The following CDC42BPB variants were observed in gnomAD, a reference collection of about 807,000 sequenced individuals.
The protein encoded by CDC42BPB is serine/threonine-protein kinase MRCK beta.
CDC42BPB carries 37 observed loss-of-function variants against 214.9 expected under a neutral mutation model. The ratio of observed to expected loss-of-function variants is 0.17; its 90% CI spans 0.13 to 0.23. CDC42BPB has a LOEUF of 0.23. Ranked by LOEUF, CDC42BPB falls within the 10% of genes least tolerant of loss-of-function variation. CDC42BPB has a pLI of 1.00. For missense variants in CDC42BPB, 1,694 were observed against 2,227.0 expected, an observed-to-expected ratio of 0.76 and a Z score of 4.82; for synonymous variants, 931 against 884.0, an observed-to-expected ratio of 1.05 and a Z score of -0.94.
chr14:102,980,492 A>C (rs1036602400), intron 8 of CDC42BPB, among the ~76,000 whole-genome samples: 6 of 152,196 alleles, frequency 3.9e-5, no homozygotes, highest in Admixed American at 1.3e-4. Context: ...ACTGTCTCAA[A>C]AAAAAAAAGT....
At chr14:102,939,329 C>A (rs956645223) in intron 34 of CDC42BPB, among the ~76,000 whole-genome samples, 1 of 152,234 alleles carries the variant, frequency 6.6e-6, no homozygotes, top group Non-Finnish European at 1.5e-5. Context: ...GGCAAACGTC[C>A]TTAGGAAGCC....
At chr14:103,056,219 T>C (rs1013446630) in intron 1 of CDC42BPB, among the ~76,000 whole-genome samples, 8 of 152,098 alleles carry the variant, frequency 5.3e-5, no homozygotes, top group Non-Finnish European at 8.8e-5. Context: ...TTCTAAGTGA[T>C]AGCTCCAGCT....
Position 102,970,054 on chromosome 14 carries a change from C to T in CDC42BPB, c.1995+97G>A, listed in dbSNP as rs572455275. ...TGAACAGCCTCGGGTGACACTCGGCCCGGACCACACATTACACAAGGTGAC... is the reference window on the plus strand; with the variant it reads ...TGAACAGCCTCGGGTGACACTCGGCTCGGACCACACATTACACAAGGTGAC... On this transcript the variant is annotated intron_variant, in intron 14 of 36. Transcript: ENST00000361246. 708 of 988,840 alleles carry T rather than the reference C, an allele frequency of 7.2e-4. 9 individuals are homozygous for T. The South Asian group carries it at 0.01, about 14-fold the overall frequency. 61.3% of individuals were successfully genotyped at this position (988,840 alleles called of 1,614,324 possible).
chr14:103,054,953 G>C (rs1025837692), intron 1 of CDC42BPB, among the ~76,000 whole-genome samples: 5 of 152,260 alleles, frequency 3.3e-5, no homozygotes, highest in African/African-American at 9.6e-5. Context: ...TGGCCCCCAG[G>C]GCCCCCGCCC....
chr14:103,029,839 C>T (rs1177683691), intron 1 of CDC42BPB, among the ~76,000 whole-genome samples: 1 of 112,774 alleles, frequency 8.9e-6, no homozygotes, highest in Non-Finnish European at 1.6e-5. Flanking sequence ...AGCCTAGTGA[C>T]AGAGGGAGAC....
At chr14:103,055,584 G>A (rs1888903275) in intron 1 of CDC42BPB, among the ~76,000 whole-genome samples, 1 of 152,226 alleles carries the variant, frequency 6.6e-6, no homozygotes, top group Non-Finnish European at 1.5e-5. Context: ...GATACTATAA[G>A]TAACCAAGAA....
chr14:103,032,124 C>G (rs1371022095), intron 1 of CDC42BPB, among the ~76,000 whole-genome samples: 1 of 151,990 alleles, frequency 6.6e-6, no homozygotes, highest in Non-Finnish European at 1.5e-5. Context: ...GATATGAAGG[C>G]CTGGAGAAGC....
chr14:102,997,411 G>A (rs148236538), intron 5 of CDC42BPB, among the ~76,000 whole-genome samples: 1 of 151,936 alleles, frequency 6.6e-6, no homozygotes. Context: ...GCGCTACCAA[G>A]CCAAACTAAA....
intron 20 of CDC42BPB, among the ~76,000 whole-genome samples, chr14:102,961,956 G>C (rs1398055321): frequency 3.3e-5 from 5 of 152,112 alleles, no homozygotes; most frequent in African/African-American, 7.2e-5. Context: ...AAATGCAAAA[G>C]GCTTTTAGAA....
At chr14:103,040,460 A>C (rs1488933609) in intron 1 of CDC42BPB, among the ~76,000 whole-genome samples, 1 of 151,944 alleles carries the variant, frequency 6.6e-6, no homozygotes, top group Non-Finnish European at 1.5e-5. Context: ...ATTAAATTTA[A>C]ATTTATTTAT....
intron 21 of CDC42BPB, 104 bp from the exon 22 acceptor site, chr14:102,954,792 C>T (rs1892643432): frequency 6.7e-7 from 1 of 1,486,750 alleles, no homozygotes; most frequent in African/African-American, 1.4e-5. Flanking sequence ...CTGTCTAGCC[C>T]AGAAGTCCCA....
intron 7 of CDC42BPB, 197 bp from the exon 8 acceptor site, chr14:102,981,218 T>C: frequency 1.0e-6 from 1 of 982,842 alleles, no homozygotes; most frequent in Non-Finnish European, 1.2e-6. Context: ...CTGGTTTTAC[T>C]CATTGTAGAC....
intron 23 of CDC42BPB, chr14:102,952,806 G>C: frequency 1.2e-6 from 1 of 865,634 alleles, no homozygotes; most frequent in Non-Finnish European, 1.4e-6. Context: ...GCCAGAGAGA[G>C]GCCAACAAAT....
intron 36 of CDC42BPB, 72 bp downstream of exon 36, chr14:102,938,032 C>A (rs1891717257): frequency 6.6e-7 from 1 of 1,517,006 alleles, no homozygotes; most frequent in African/African-American, 1.4e-5. Flanking sequence ...CCCAGGGCCC[C>A]AGATCTTCGG....
chr14:103,042,960 A>G (rs908676603), intron 1 of CDC42BPB, among the ~76,000 whole-genome samples: 1 of 152,174 alleles, frequency 6.6e-6, no homozygotes, highest in African/African-American at 2.4e-5. Context: ...ATCCCACAAA[A>G]ACTTGTACAT....
chr14:103,014,974 A>G (rs1886375518), intron 1 of CDC42BPB, among the ~76,000 whole-genome samples: 1 of 152,196 alleles, frequency 6.6e-6, no homozygotes, highest in Non-Finnish European at 1.5e-5. Context: ...ATTACTCTCA[A>G]GTCACCCGGG....
chr14:103,026,417 C>A (rs1438018741), intron 1 of CDC42BPB, among the ~76,000 whole-genome samples: 1 of 152,004 alleles, frequency 6.6e-6, no homozygotes, highest in Non-Finnish European at 1.5e-5. Flanking sequence ...AAACAAAAAA[C>A]CACATGTAAA....
chr14:103,036,802 A>G (rs1424274965), intron 1 of CDC42BPB, among the ~76,000 whole-genome samples: 2 of 152,152 alleles, frequency 1.3e-5, no homozygotes, highest in Non-Finnish European at 2.9e-5. Flanking sequence ...ATTTCTCATT[A>G]AAAGTCGTGA....
intron 1 of CDC42BPB, among the ~76,000 whole-genome samples, chr14:103,030,939 A>AT: frequency 6.6e-6 from 1 of 151,988 alleles, no homozygotes; most frequent in East Asian, 1.9e-4. Flanking sequence ...GTGAGGCAAG[A>AT]CTGAGCCATT....
Sources: gnomAD v4.1 joint callset for allele counts (sites outside exome capture counted in the v4.1 genomes callset) on GRCh38, gnomAD v4.1.1 for gene constraint, MANE v1.5 for transcripts, NCBI Gene and HGNC (gene_info 2026-07-23, HGNC 2026-07-21) for gene names.